The following ATP6V0D1 variants were observed in gnomAD, a reference collection of about 807,000 sequenced individuals.
The protein encoded by ATP6V0D1 is ATPase H+ transporting V0 subunit d1.
ATP6V0D1 carries 13 observed loss-of-function variants against 39.0 expected under a neutral mutation model. The observed-to-expected ratio is 0.33, with a 90% CI of 0.22 to 0.53. ATP6V0D1 has a LOEUF of 0.53. ATP6V0D1 is among the 20% of genes least tolerant of loss of function. The pLI, the probability that ATP6V0D1 is intolerant of heterozygous loss-of-function variation, is 0.94. For missense variants in ATP6V0D1, 272 were observed against 470.9 expected (o/e 0.58, Z 3.91); for synonymous variants, 191 against 191.2 (o/e 1.00, Z 0.01).
intron 4 of ATP6V0D1, 116 bp downstream of exon 4, chr16:67,442,978 GGGATA>G: frequency 9.4e-7 from 1 of 1,068,046 alleles, no homozygotes; most frequent in Non-Finnish European, 1.4e-6. Flanking sequence ...GTAAGTCCCT[GGGATA>G]GGAGCCTGAC....
At chr16:67,475,406 G>A (rs1335501134) in intron 1 of ATP6V0D1, among the ~76,000 whole-genome samples, 1 of 152,254 alleles carries the variant, frequency 6.6e-6, no homozygotes, top group East Asian at 1.9e-4. Context: ...GTAATGGACA[G>A]AAGACAAATC....
chr16:67,446,004 G>A (rs1206022589), intron 2 of ATP6V0D1: 2 of 454,820 alleles, frequency 4.4e-6, no homozygotes, highest in South Asian at 3.1e-5. Flanking sequence ...GCTGTTCTGA[G>A]CTGGGCACTG....
Position 67,453,217 on chromosome 16 carries a change from T to C in ATP6V0D1, c.302+327A>G, listed in dbSNP as rs1269199945. On this transcript the variant is annotated intron_variant, in intron 2 of 7. Coordinates refer to ENST00000290949, the MANE Select transcript of ATP6V0D1 (RefSeq NM_004691.5). The surrounding 1 kb of genome is among the most constrained non-coding windows in gnomAD (Gnocchi z 4.1). ...CTTCCCAGGTTTCCCTGCCCCAGTC[T>C]ATGTGACTGGGGGAAGAGGCTTCAT... 6.6e-6 allele frequency among the ~76,000 whole-genome samples: 1 copy of C among 151,816 alleles called. No individual in the cohort carries two copies. Among genetic ancestry groups the C allele is most frequent in the African/African-American group, 2.4e-5 (1 of 41,328 alleles).
intron 1 of ATP6V0D1, among the ~76,000 whole-genome samples, chr16:67,478,994 C>T (rs1201316038): frequency 6.6e-6 from 1 of 152,128 alleles, no homozygotes; most frequent in Non-Finnish European, 1.5e-5. Flanking sequence ...GTCCACAAAA[C>T]TCACATTAAG....
chr16:67,468,412 A>C (rs1162672953), intron 1 of ATP6V0D1, among the ~76,000 whole-genome samples: 2 of 151,984 alleles, frequency 1.3e-5, no homozygotes, highest in African/African-American at 2.4e-5. Flanking sequence ...ACATGGCAAA[A>C]CCCCTTCTCT....
At chr16:67,452,480 G>A (rs911222039) in intron 2 of ATP6V0D1, 1 of 1,318,116 alleles carries the variant, frequency 7.6e-7, no homozygotes, top group South Asian at 1.3e-5. Flanking sequence ...TGTCCCTGCA[G>A]GGACAAGTGG....
At chr16:67,457,379 C>T (rs915736916) in intron 1 of ATP6V0D1, 24 of 344,892 alleles carry the variant, frequency 7.0e-5, no homozygotes, top group Non-Finnish European at 4.6e-5. Flanking sequence ...CTCCTCCCCA[C>T]TCTGCACCTC....
intron 1 of ATP6V0D1, among the ~76,000 whole-genome samples, chr16:67,462,032 G>A (rs1270257732): frequency 6.6e-6 from 1 of 152,192 alleles, no homozygotes; most frequent in Non-Finnish European, 1.5e-5. Context: ...GTGCCAGGCA[G>A]GCGACAGTCC....
intron 2 of ATP6V0D1, among the ~76,000 whole-genome samples, chr16:67,445,520 G>A (rs1470040514): frequency 6.6e-6 from 1 of 152,218 alleles, no homozygotes; most frequent in African/African-American, 2.4e-5. Context: ...GCCTATGCCA[G>A]AGATAGAGAA....
intron 1 of ATP6V0D1, among the ~76,000 whole-genome samples, chr16:67,457,855 G>A (rs2142318627): frequency 6.6e-6 from 1 of 152,330 alleles, no homozygotes; most frequent in South Asian, 2.1e-4. Flanking sequence ...GGTGGTTTCT[G>A]CTGGCATTTG....
Position 67,453,284 on chromosome 16 carries a change from C to T in ATP6V0D1, c.302+260G>A, listed in dbSNP as rs1011659285. ...GGACACTCTTGCCTGCCCATCATATCTTCAGCCAGTAGTGAACGTGCTGGT... is the reference window on the plus strand; with the variant it reads ...GGACACTCTTGCCTGCCCATCATATTTTCAGCCAGTAGTGAACGTGCTGGT... On this transcript the variant is annotated intron_variant, in intron 2 of 7. Transcript: ENST00000290949. This position sits in a 1 kb window ranked among gnomAD's most constrained non-coding sequence, Gnocchi z 4.1. Among the ~76,000 whole-genome samples, 3 of 152,242 alleles carry T rather than the reference C, an allele frequency of 2.0e-5. No individual in the cohort carries two copies. Among genetic ancestry groups the T allele is most frequent in the Non-Finnish European group, 4.4e-5 (3 of 68,042 alleles).
At chr16:67,458,710 G>A (rs549873164) in intron 1 of ATP6V0D1, among the ~76,000 whole-genome samples, 41 of 152,156 alleles carry the variant, frequency 2.7e-4, no homozygotes, top group Non-Finnish European at 2.1e-4. Flanking sequence ...CTGCTCTCAG[G>A]AAGTTCTCTC....
chr16:67,479,407 G>T (rs1209192315), intron 1 of ATP6V0D1, among the ~76,000 whole-genome samples: 1 of 151,868 alleles, frequency 6.6e-6, no homozygotes, highest in African/African-American at 2.4e-5. Flanking sequence ...TAGAGACAGG[G>T]TTTCACCATT....
intron 1 of ATP6V0D1, among the ~76,000 whole-genome samples, chr16:67,468,419 C>A (rs550940285): frequency 2.0e-4 from 31 of 152,048 alleles, no homozygotes; most frequent in Non-Finnish European, 4.3e-4. Flanking sequence ...AAAACCCCTT[C>A]TCTACAAAAC....
chr16:67,438,453 A>ACACACACGCACACACACGCG lies in ATP6V0D1; in HGVS notation c.*55_*74dup. 1 of 1,525,226 alleles carries ACACACACGCACACACACGCG rather than the reference A, an allele frequency of 6.6e-7. No homozygotes were observed. The highest frequency in any genetic ancestry group is 8.9e-7 in the Non-Finnish European group (1 of 1,127,886). The allele number at this position is 1,525,226 out of a possible 1,614,324, so 94.5% of individuals were successfully genotyped here. On this transcript the variant is annotated 3_prime_UTR_variant, in exon 8 of 8. Coordinates refer to ENST00000290949, the MANE Select transcript of ATP6V0D1 (RefSeq NM_004691.5). Reference sequence around the variant, plus strand: ...CACAGGCTTGTCACAGACCACATACACACACACGCACACACACGCGCACAC... The same window carrying ACACACACGCACACACACGCG: ...CACAGGCTTGTCACAGACCACATACACACACACGCACACACACGCGCACACACGCACACACACGCGCACAC...
At chr16:67,441,999 C>T (rs2041058629) in intron 4 of ATP6V0D1, among the ~76,000 whole-genome samples, 1 of 152,250 alleles carries the variant, frequency 6.6e-6, no homozygotes, top group Admixed American at 6.5e-5. Context: ...CCATGCCTGC[C>T]TTTTCTTCTA....
rs369165293 is a variant in ATP6V0D1, at chr16:67,444,507, A to G, written c.481+21T>C. On this transcript the variant is annotated intron_variant, in intron 3 of 7. Coordinates refer to ENST00000290949, the MANE Select transcript of ATP6V0D1 (RefSeq NM_004691.5). The surrounding 1 kb of genome is among the most constrained non-coding windows in gnomAD (Gnocchi z 4.8). ...ATGCTGACACCACTGCCCACCTCCC[A>G]TGACCACCACAGCGGCTCACCAAGA... 9.2e-5 allele frequency: 145 copies of G among 1,573,892 alleles called. No homozygotes were observed. The highest frequency in any genetic ancestry group is 1.1e-4 in the Non-Finnish European group (127 of 1,151,922).
chr16:67,466,364 C>T (rs1567541249), intron 1 of ATP6V0D1, among the ~76,000 whole-genome samples: 1 of 149,424 alleles, frequency 6.7e-6, no homozygotes, highest in Non-Finnish European at 1.5e-5. Flanking sequence ...CACACACACA[C>T]ACACACACAC....
Position 67,481,081 on chromosome 16 carries a change from C to A in ATP6V0D1, c.6G>T (p.Ser2=). The part of the protein sequence containing the change: M[S]FFPELYFNVD... ...CGTTAAAGTAAAGCTCCGGGAAGAA[C>A]GACATGGCTGCTGCGGGAGCGGCGG... is the stretch of plus-strand genomic sequence containing the variant. Residue 2 remains serine, a synonymous_variant, in exon 1 of 8, where the codon TCG becomes TCT. Transcript: ENST00000290949. 6.2e-7 allele frequency: 1 copy of A among 1,614,068 alleles called. No individual in the cohort carries two copies. Among genetic ancestry groups the A allele is most frequent in the Admixed American group, 1.7e-5 (1 of 60,032 alleles).
Sources: allele counts gnomAD v4.1 joint callset (sites outside exome capture counted in the v4.1 genomes callset), GRCh38; gene constraint gnomAD v4.1.1; non-coding constraint Gnocchi (gnomAD v3.1); transcripts MANE v1.5; gene names NCBI Gene and HGNC (gene_info 2026-07-23, HGNC 2026-07-21).